VWA5B1: variants seen among roughly 807,000 people sequenced by gnomAD.
VWA5B1 encodes the protein von Willebrand factor A domain containing 5B1, also known as von Willebrand factor A domain-containing protein 5B1.
VWA5B1 carries 115 observed loss-of-function variants against 118.2 expected under a neutral mutation model. The ratio of observed to expected loss-of-function variants is 0.97; its 90% confidence interval spans 0.84 to 1.14. VWA5B1 has a LOEUF of 1.14. VWA5B1 is among the 50% of genes most tolerant of loss of function. The pLI is 0.00. For synonymous variants in VWA5B1, 682 were observed against 658.4 expected, an observed-to-expected ratio of 1.04 and a Z score of -0.55; for missense variants, 1,596 against 1,603.8, an observed-to-expected ratio of 1.00 and a Z score of 0.08.
intron 8 of VWA5B1, among the ~76,000 whole-genome samples, chr1:20,324,382 C>T (rs889550431): frequency 1.3e-5 from 2 of 152,144 alleles, no homozygotes; most frequent in Non-Finnish European, 2.9e-5. Flanking sequence ...CCTGCCCCAC[C>T]CCCAGGAGAT....
At chr1:20,342,755 A>C in intron 15 of VWA5B1, 146 bp downstream of exon 15, 1 of 1,090,612 alleles carries the variant, frequency 9.2e-7, no homozygotes, top group Non-Finnish European at 1.3e-6. Context: ...TGAGGACCTC[A>C]CCAATCCCAC....
chr1:20,326,523 T>C (rs1281377443), intron 8 of VWA5B1, among the ~76,000 whole-genome samples: 2 of 152,162 alleles, frequency 1.3e-5, no homozygotes, highest in Non-Finnish European at 2.9e-5. Context: ...TGGAGTGCAG[T>C]GGCGTGATCT....
In VWA5B1 at chr1:20,314,611, G is replaced by C. The variant is rs896723806; in HGVS notation, c.563+19G>C. On this transcript the variant is annotated intron_variant, in intron 4 of 21. Coordinates refer to ENST00000289815, the MANE Select transcript of VWA5B1 (RefSeq NM_001039500.3). ...CCCAGGGGTAAGGAAGCCCTGCCCA[G>C]ACCAATCAGAGTCCCAGGTGGGCAG... 1.3e-6 allele frequency: 2 copies of C among 1,547,076 alleles called. No individual in the cohort carries two copies. The highest frequency in any genetic ancestry group is 2.7e-5 in the African/African-American group (2 of 72,972).
intron 7 of VWA5B1, among the ~76,000 whole-genome samples, chr1:20,322,210 G>T (rs945850917): frequency 1.3e-5 from 2 of 152,228 alleles, no homozygotes; most frequent in African/African-American, 4.8e-5. Flanking sequence ...ACTGTTAGGC[G>T]TTTGGTTTGA....
At chr1:20,343,697 C>T (rs1420432971) in intron 16 of VWA5B1, among the ~76,000 whole-genome samples, 2 of 117,724 alleles carry the variant, frequency 1.7e-5, no homozygotes, top group African/African-American at 3.4e-5. Flanking sequence ...CCGCCACTCC[C>T]CGCCATAGCC....
intron 3 of VWA5B1, among the ~76,000 whole-genome samples, chr1:20,313,994 T>C (rs776308416): frequency 1.3e-5 from 2 of 152,172 alleles, no homozygotes; most frequent in African/African-American, 2.4e-5. Context: ...AGCAAAACTA[T>C]GGATCCCCAA....
rs960643654 is a variant in VWA5B1, at chr1:20,358,933, C to A, written c.*4670C>A. 6.6e-6 allele frequency among the ~76,000 whole-genome samples: 1 copy of A among 152,186 alleles called. No homozygotes were observed. Among genetic ancestry groups the A allele is most frequent in the Non-Finnish European group, 1.5e-5 (1 of 68,044 alleles). ...GGCTTGGCAGCAGCTCCTGGCCACG[C>A]CTACAGCTCCCAACCGTGGACCTCT... On this transcript the variant is annotated 3_prime_UTR_variant, in exon 22 of 22. Coordinates refer to ENST00000289815, the MANE Select transcript of VWA5B1 (RefSeq NM_001039500.3).
chr1:20,305,061 C>T (rs1036384485), intron 1 of VWA5B1, among the ~76,000 whole-genome samples: 1 of 152,082 alleles, frequency 6.6e-6, no homozygotes, highest in African/African-American at 2.4e-5. Context: ...AAATCCTGGC[C>T]CTCACAGGGA....
chr1:20,350,720 C>A, intron 19 of VWA5B1, 137 bp from the exon 20 acceptor site: 1 of 792,482 alleles, frequency 1.3e-6, no homozygotes, highest in Non-Finnish European at 2.1e-6. Flanking sequence ...AGCTCCACAG[C>A]CTAATGGTTA....
At chr1:20,309,684 G>T (rs2088783951) in intron 1 of VWA5B1, among the ~76,000 whole-genome samples, 1 of 152,186 alleles carries the variant, frequency 6.6e-6, no homozygotes, top group East Asian at 1.9e-4. Context: ...GGGTAGTGGG[G>T]TAGCAGAGAC....
intron 10 of VWA5B1, 125 bp from the exon 11 acceptor site, chr1:20,330,744 C>T: frequency 2.1e-6 from 2 of 962,000 alleles, no homozygotes; most frequent in Non-Finnish European, 3.3e-6. Context: ...TTCTCCCTCT[C>T]CCTCTACCTG....
intron 1 of VWA5B1, among the ~76,000 whole-genome samples, chr1:20,301,042 G>A (rs1017432520): frequency 7.9e-5 from 12 of 152,236 alleles, no homozygotes; most frequent in Non-Finnish European, 1.2e-4. Flanking sequence ...CATTGTGTAC[G>A]GGGAAGCAGT....
intron 14 of VWA5B1, chr1:20,339,249 A>C (rs865910846): frequency 6.6e-6 from 1 of 152,192 alleles, no homozygotes; most frequent in South Asian, 2.1e-4. Context: ...CATTTTATTA[A>C]GAATGGGCTT....
chr1:20,293,385 C>A (rs1239744946), intron 1 of VWA5B1, among the ~76,000 whole-genome samples: 1 of 152,210 alleles, frequency 6.6e-6, no homozygotes, highest in Non-Finnish European at 1.5e-5. Flanking sequence ...GAAAGGAGGG[C>A]AGTGGAAGAG....
chr1:20,332,789 C>G lies in VWA5B1; in HGVS notation c.1596C>G (p.Ala532=). ...QPKMVKSLKK[A]MAPVLSDVTV... ...AGATGGTCAAATCCTTGAAGAAGGC[C>G]ATGGCCCCAGTCCTGAGCGATGTGA... Residue 532 remains alanine (A), a synonymous_variant, in exon 12 of 22, where the codon GCC becomes GCG. Transcript: ENST00000289815. The G allele has an allele frequency of 6.4e-7, 1 of 1,551,752 alleles. No individual in the cohort carries two copies. Among genetic ancestry groups the G allele is most frequent in the Non-Finnish European group, 8.7e-7 (1 of 1,146,996 alleles).
intron 11 of VWA5B1, among the ~76,000 whole-genome samples, chr1:20,332,294 A>G (rs2089579765): frequency 6.6e-6 from 1 of 152,018 alleles, no homozygotes; most frequent in South Asian, 2.1e-4. Context: ...AGCCTGGCCA[A>G]TTTGGTGAAA....
At chr1:20,295,059 G>A (rs2088378936) in intron 1 of VWA5B1, among the ~76,000 whole-genome samples, 1 of 152,170 alleles carries the variant, frequency 6.6e-6, no homozygotes, top group South Asian at 2.1e-4. Context: ...CTGGATCCTA[G>A]GGGCCCAGAG....
chr1:20,314,259 A>G lies in VWA5B1; in HGVS notation c.293-63A>G, dbSNP rs74057853. 4,426 of 1,499,846 alleles carry G rather than the reference A, an allele frequency of 3.0e-3. 112 individuals carry two copies. In the African/African-American group the frequency reaches 0.051, roughly 17 times the overall value. 92.9% of individuals were successfully genotyped at this position (1,499,846 alleles called of 1,614,324 possible). ...ATGGGCCACTCACACTTACCACAAC[A>G]GCAATCTTAGAGGGGATCAGAGATA... On this transcript the variant is annotated intron_variant, in intron 3 of 21. Coordinates refer to ENST00000289815, the MANE Select transcript of VWA5B1 (RefSeq NM_001039500.3).
At position 20,345,470 on chromosome 1, in the gene VWA5B1, T is replaced by C. The variant is rs769152291; in HGVS notation, c.2641T>C (p.Tyr881His). 3.2e-6 allele frequency: 5 copies of C among 1,551,118 alleles called. No individual in the cohort carries two copies. Among genetic ancestry groups the C allele is most frequent in the Non-Finnish European group, 4.4e-6 (5 of 1,146,982 alleles). The change falls in exon 17 of 22, where the codon TAC becomes CAC. Residue 881 changes from tyrosine to histidine, a missense_variant. By Grantham distance (83) the Tyr-to-His change is moderately conservative. Coordinates refer to ENST00000289815, the MANE Select transcript of VWA5B1 (RefSeq NM_001039500.3). ...GEIEQGSNRR[Y>H]QVSALHTSKA... is the part of the protein sequence containing the mutation. ...TCCCTCCACAGGGTCCAACCGCCGC[T>C]ACCAAGTGAGCGCCTTGCACACCAG...
Sources: gnomAD v4.1 joint callset for allele counts (sites outside exome capture counted in the v4.1 genomes callset) on GRCh38, gnomAD v4.1.1 for gene constraint, MANE v1.5 for transcripts, NCBI Gene and HGNC (gene_info 2026-07-23, HGNC 2026-07-21) for gene names.